The following SYNPR variants were observed in gnomAD, a reference collection of about 807,000 sequenced individuals.
SYNPR encodes the protein synaptoporin.
SYNPR carries 23 observed loss-of-function variants against 32.9 expected under a neutral mutation model. The ratio of observed to expected loss-of-function variants is 0.70; its 90% CI spans 0.50 to 0.99. The LOEUF (loss-of-function observed/expected upper bound fraction) is 0.99, where lower values mean the gene tolerates loss of function less well. SYNPR is among the 50% of genes least tolerant of loss of function. SYNPR has a pLI of 0.00. For synonymous variants in SYNPR, 146 were observed against 135.9 expected (o/e 1.07, Z -0.52); for missense variants, 318 against 349.3 (o/e 0.91, Z 0.71).
intron 2 of SYNPR, among the ~76,000 whole-genome samples, chr3:63,346,560 C>T (rs2087439426): frequency 6.6e-6 from 1 of 152,080 alleles, no homozygotes; most frequent in African/African-American, 2.4e-5. Flanking sequence ...AAACCTCCGC[C>T]TCCTGGGTTC....
At chr3:63,326,904 T>C (rs2087174169) in intron 2 of SYNPR, among the ~76,000 whole-genome samples, 2 of 152,104 alleles carry the variant, frequency 1.3e-5, no homozygotes, top group Non-Finnish European at 2.9e-5. Context: ...GAAATGTTCT[T>C]AATTTCAATG....
rs141554415 is a variant in SYNPR at position 63,350,573 on chromosome 3, A to C, written c.84+71831A>C. Among the ~76,000 whole-genome samples, 479 of 152,338 alleles carry C rather than the reference A, an allele frequency of 3.1e-3. 2 individuals carry two copies. Among genetic ancestry groups the C allele is most frequent in the African/African-American group, 0.011 (450 of 41,580 alleles). The stretch of plus-strand genomic sequence containing the variant: ...ACATGCACTTTGCAGTGAAGAGAAG[A>C]GACACTGCACTATTATGCAAAACAG... On this transcript the variant is annotated intron_variant, in intron 2 of 5. Transcript: ENST00000478300.
chr3:63,607,188 A>G (rs6782427), intron 4 of SYNPR, among the ~76,000 whole-genome samples: 6,551 of 152,230 alleles, frequency 0.043, 332 homozygotes, highest in African/African-American at 0.12. Flanking sequence ...GCCCTAACAA[A>G]TATGTACTGT....
chr3:63,368,292 G>A (rs1244692715), intron 2 of SYNPR, among the ~76,000 whole-genome samples: 1 of 152,178 alleles, frequency 6.6e-6, no homozygotes, highest in Non-Finnish European at 1.5e-5. Flanking sequence ...ACATTAATGA[G>A]TGACCAGTGG....
intron 2 of SYNPR, among the ~76,000 whole-genome samples, chr3:63,320,362 C>G (rs2087098004): frequency 6.6e-6 from 1 of 152,040 alleles, no homozygotes; most frequent in Non-Finnish European, 1.5e-5. Context: ...ATAGAAAGAA[C>G]AGAATCATTT....
intron 2 of SYNPR, among the ~76,000 whole-genome samples, chr3:63,450,349 ACT>A (rs2107174210): frequency 6.6e-6 from 1 of 152,252 alleles, no homozygotes; most frequent in African/African-American, 2.4e-5. Flanking sequence ...CTTGCTGGTG[ACT>A]CTACACCATT....
At chr3:63,208,056 C>T in the SYNPR span, among the ~76,000 whole-genome samples, 1 of 152,180 alleles carries the variant, frequency 6.6e-6, no homozygotes, top group African/African-American at 2.4e-5. Context: ...AACACACACA[C>T]ACACACACAC....
intron 2 of SYNPR, among the ~76,000 whole-genome samples, chr3:63,457,219 A>T (rs1023274048): frequency 6.6e-6 from 1 of 152,104 alleles, no homozygotes; most frequent in Non-Finnish European, 1.5e-5. Context: ...CTTCCTGATG[A>T]ACTCTTCAGT....
At chr3:63,507,660 G>A (rs892688572) in intron 3 of SYNPR, among the ~76,000 whole-genome samples, 5 of 152,112 alleles carry the variant, frequency 3.3e-5, no homozygotes, top group Admixed American at 6.6e-5. Flanking sequence ...GAAATGCAGC[G>A]AAACTTGAAT....
At chr3:63,516,125 T>G (rs1701795043) in intron 3 of SYNPR, among the ~76,000 whole-genome samples, 2 of 152,154 alleles carry the variant, frequency 1.3e-5, no homozygotes, top group South Asian at 4.1e-4. Flanking sequence ...ATATGTGATA[T>G]CATATATAAG....
chr3:63,369,884 A>G (rs1426898881), intron 2 of SYNPR, among the ~76,000 whole-genome samples: 2 of 152,174 alleles, frequency 1.3e-5, no homozygotes, highest in Non-Finnish European at 2.9e-5. Context: ...GTTCATGAAG[A>G]CTAAGAAGAA....
At chr3:63,335,351 T>TAAA (rs2087278058) in intron 2 of SYNPR, among the ~76,000 whole-genome samples, 1 of 44,112 alleles carries the variant, frequency 2.3e-5, no homozygotes, top group Admixed American at 3.3e-4. Context: ...AGACTCCGTC[T>TAAA]CAAAAAAAAA....
chr3:63,556,129 G>C lies in SYNPR; in HGVS notation c.210-414G>C, dbSNP rs115329479. Among the ~76,000 whole-genome samples, 1,129 of 152,332 alleles carry C rather than the reference G, an allele frequency of 7.4e-3. 11 individuals carry two copies. The highest frequency in any genetic ancestry group is 0.025 in the African/African-American group (1,052 of 41,570). ...GAGAAACAGAAAGCAGGCCAATGTA[G>C]TTGAAACAGGGTGATGGAGGACAGA... On this transcript the variant is annotated intron_variant, in intron 3 of 5. Coordinates refer to ENST00000478300, the MANE Select transcript of SYNPR (RefSeq NM_001130003.2).
At chr3:63,336,986 C>T (rs551173293) in intron 2 of SYNPR, among the ~76,000 whole-genome samples, 17 of 152,140 alleles carry the variant, frequency 1.1e-4, no homozygotes, top group African/African-American at 3.6e-4. Flanking sequence ...AATCCCAGCA[C>T]TTTGGAAGGT....
intron 1 of SYNPR, among the ~76,000 whole-genome samples, chr3:63,249,037 T>G (rs2086311703): frequency 6.6e-6 from 1 of 152,164 alleles, no homozygotes; most frequent in Non-Finnish European, 1.5e-5. Context: ...CCTTAAATTC[T>G]GTGTAATTTG....
chr3:63,485,997 T>C (rs1468510240), intron 3 of SYNPR, among the ~76,000 whole-genome samples: 1 of 152,206 alleles, frequency 6.6e-6, no homozygotes, highest in Non-Finnish European at 1.5e-5. Flanking sequence ...AAAATTGTCC[T>C]TCATAAATTT....
intron 2 of SYNPR, among the ~76,000 whole-genome samples, chr3:63,296,387 C>G (rs1334212498): frequency 2.6e-5 from 4 of 152,208 alleles, no homozygotes; most frequent in African/African-American, 9.6e-5. Context: ...TTCCGCACCA[C>G]AGCATCTTGC....
intron 2 of SYNPR, among the ~76,000 whole-genome samples, chr3:63,261,096 GA>G (rs1268544492): frequency 8.5e-5 from 13 of 152,090 alleles, no homozygotes; most frequent in Non-Finnish European, 1.2e-4. Flanking sequence ...GGAGAAATAG[GA>G]ACACTTTTAC....
chr3:63,301,782 C>T (rs2086860176), intron 2 of SYNPR, among the ~76,000 whole-genome samples: 1 of 152,052 alleles, frequency 6.6e-6, no homozygotes, highest in African/African-American at 2.4e-5. Context: ...GCTTATGACA[C>T]TAATTTGTGT....
Sources: allele counts gnomAD v4.1 joint callset (sites outside exome capture counted in the v4.1 genomes callset), GRCh38; gene constraint gnomAD v4.1.1; transcripts MANE v1.5; gene names NCBI Gene and HGNC (gene_info 2026-07-23, HGNC 2026-07-21).